Variants in BTG4 observed in about 807,000 individuals in gnomAD.
BTG4 encodes BTG anti-proliferation factor 4, also known as protein BTG4.
Under a neutral mutation model 19.3 loss-of-function variants are expected in BTG4, and 10 were observed. That is an observed-to-expected ratio of 0.52 (90% CI 0.32 to 0.88). The LOEUF is 0.88. Among genes scored for constraint, BTG4 ranks in the 40% least tolerant of loss-of-function variants. The probability of loss-of-function intolerance (pLI) is 0.04; values close to 1 mark genes in which losing one functional copy is unlikely to be tolerated. For missense variants in BTG4, 238 were observed against 281.9 expected (o/e 0.84, Z 1.11); for synonymous variants, 91 against 95.7 (o/e 0.95, Z 0.29).
chr11:111,438,311 C>G, the BTG4 span, among the ~76,000 whole-genome samples: 2 of 152,234 alleles, frequency 1.3e-5, no homozygotes, highest in African/African-American at 4.8e-5. Context: ...TATGCACAAT[C>G]TGTCTTCCCC....
At chr11:111,427,572 A>G in the BTG4 span, among the ~76,000 whole-genome samples, 1 of 152,346 alleles carries the variant, frequency 6.6e-6, no homozygotes, top group East Asian at 1.9e-4. Context: ...GGGCTGGCAG[A>G]AAGCCCATCA....
chr11:111,406,323 A>G, the BTG4 span, among the ~76,000 whole-genome samples: 1 of 152,186 alleles, frequency 6.6e-6, no homozygotes, highest in South Asian at 2.1e-4. Context: ...GGTGACTGTC[A>G]GCTTCTGCAT....
chr11:111,411,744 T>C, the BTG4 span, among the ~76,000 whole-genome samples: 2 of 152,244 alleles, frequency 1.3e-5, no homozygotes, highest in African/African-American at 4.8e-5. Context: ...ACAGCATTTA[T>C]TGATTTGTTT....
chr11:111,503,914 T>C (rs1202517626), intron 1 of BTG4, among the ~76,000 whole-genome samples: 3 of 152,176 alleles, frequency 2.0e-5, no homozygotes. Flanking sequence ...TGGTTTTTGC[T>C]AAACTTCACT....
At chr11:111,422,485 T>A in the BTG4 span, among the ~76,000 whole-genome samples, 1 of 152,194 alleles carries the variant, frequency 6.6e-6, no homozygotes, top group Non-Finnish European at 1.5e-5. Flanking sequence ...TGGAAATGCA[T>A]GTGCACACAG....
the BTG4 span, among the ~76,000 whole-genome samples, chr11:111,431,759 G>A: frequency 3.3e-5 from 5 of 152,192 alleles, no homozygotes; most frequent in Non-Finnish European, 7.3e-5. Flanking sequence ...GTTTAGCTAA[G>A]GGATCTAATT....
At chr11:111,493,566 C>T (rs1865546845), downstream of BTG4, among the ~76,000 whole-genome samples, 5 of 152,140 alleles carry the variant, frequency 3.3e-5, no homozygotes, top group South Asian at 2.1e-4. Context: ...CACCCACACA[C>T]GTATGGAGGC....
At chr11:111,444,195 G>A in the BTG4 span, among the ~76,000 whole-genome samples, 1 of 134,246 alleles carries the variant, frequency 7.4e-6, no homozygotes, top group Admixed American at 7.0e-5. Flanking sequence ...GTGTGTGTGT[G>A]TGTGTGTGTG....
chr11:111,450,246 G>A, the BTG4 span: 1 of 152,354 alleles, frequency 6.6e-6, no homozygotes, highest in African/African-American at 2.4e-5. Context: ...ACACAGCTCA[G>A]GGAAGGGGCT....
upstream of BTG4, chr11:111,514,135 A>T (rs28371943): frequency 6.5e-6 from 1 of 153,976 alleles, no homozygotes. Flanking sequence ...ACTCATTAAG[A>T]TGTATCCCTT....
chr11:111,391,547 C>T, the BTG4 span, among the ~76,000 whole-genome samples: 4 of 152,218 alleles, frequency 2.6e-5, no homozygotes, highest in South Asian at 2.1e-4. Flanking sequence ...CAGGCCTGGG[C>T]GGCACAGGCG....
At chr11:111,406,386 G>C in the BTG4 span, among the ~76,000 whole-genome samples, 7 of 152,216 alleles carry the variant, frequency 4.6e-5, no homozygotes. Flanking sequence ...TGGCCCACTG[G>C]ATAGGATACA....
chr11:111,458,483 C>T, the BTG4 span, among the ~76,000 whole-genome samples: 2 of 152,194 alleles, frequency 1.3e-5, no homozygotes, highest in Non-Finnish European at 2.9e-5. Flanking sequence ...TCTCTTGTTA[C>T]TTCATGGCTC....
the BTG4 span, among the ~76,000 whole-genome samples, chr11:111,408,635 G>A: frequency 1.3e-5 from 2 of 152,202 alleles, no homozygotes; most frequent in Admixed American, 6.5e-5. Context: ...GGTGAGAGGT[G>A]CAAAGAGAGA....
chr11:111,431,016 G>T, the BTG4 span, among the ~76,000 whole-genome samples: 2 of 152,180 alleles, frequency 1.3e-5, no homozygotes, highest in Non-Finnish European at 2.9e-5. Flanking sequence ...CACATACAGT[G>T]ACTAATTTTG....
chr11:111,431,858 C>G, the BTG4 span, among the ~76,000 whole-genome samples: 1 of 152,224 alleles, frequency 6.6e-6, no homozygotes, highest in Non-Finnish European at 1.5e-5. Context: ...ACATACTTGA[C>G]AGCCTCCAGA....
chr11:111,505,617 C>T (rs1025014006), intron 1 of BTG4, among the ~76,000 whole-genome samples: 14 of 151,812 alleles, frequency 9.2e-5, no homozygotes, highest in South Asian at 6.2e-4. Flanking sequence ...CAATAAAAAA[C>T]GAAGATAGAG....
At chr11:111,427,563 G>A in the BTG4 span, among the ~76,000 whole-genome samples, 1 of 152,140 alleles carries the variant, frequency 6.6e-6, no homozygotes, top group Admixed American at 6.5e-5. Flanking sequence ...GGCTTCATGG[G>A]GCTGGCAGAA....
At position 111,498,752 on chromosome 11, in the gene BTG4, C is replaced by G. The variant is rs1865891845; in HGVS notation, c.25G>C (p.Val9Leu). 5.0e-6 allele frequency: 8 copies of G among 1,611,536 alleles called. No homozygotes were observed. The highest frequency in any genetic ancestry group is 1.7e-5 in the Admixed American group (1 of 59,534). ...TTCACCAATCTTGTGACAAAGAAAA[C>G]TGTTGTTGCAATTTCATCTCTCATG... MRDEIATT[V>L]FFVTRLVKKH... The change falls in exon 2 of 5, where the codon GTT (valine) becomes CTT (leucine). Residue 9 changes from valine to leucine, a missense_variant. Val to Leu is a conservative substitution (Grantham distance 32). Transcript: ENST00000692032.
Sources: allele counts gnomAD v4.1 joint callset (sites outside exome capture counted in the v4.1 genomes callset), GRCh38; gene constraint gnomAD v4.1.1; transcripts MANE v1.5; gene names NCBI Gene and HGNC (gene_info 2026-07-23, HGNC 2026-07-21).